Variants in ANAPC10 observed in about 807,000 individuals in gnomAD.
ANAPC10 encodes anaphase-promoting complex subunit 10.
Under a neutral mutation model 22.0 loss-of-function variants are expected in ANAPC10, and 12 were observed. That is an observed-to-expected ratio of 0.55 (90% CI 0.35 to 0.88). ANAPC10 has a LOEUF of 0.88. Ranked by LOEUF, ANAPC10 falls within the 40% of genes least tolerant of loss-of-function variation. The pLI is 0.01. For synonymous variants in ANAPC10, 65 were observed against 69.5 expected (o/e 0.94, Z 0.32); for missense variants, 188 against 220.9 (o/e 0.85, Z 0.94).
intron 4 of ANAPC10, chr4:145,053,845 A>G: frequency 1.8e-6 from 1 of 552,544 alleles, no homozygotes; most frequent in Non-Finnish European, 3.2e-6. Flanking sequence ...AAATTATGAT[A>G]AAATGCTTCA....
intron 4 of ANAPC10, 56 bp from the exon 5 acceptor site, chr4:144,995,659 C>A: frequency 9.0e-7 from 1 of 1,112,972 alleles, no homozygotes; most frequent in Non-Finnish European, 1.3e-6. Flanking sequence ...TAATTTATAA[C>A]AATGAATGCA....
At chr4:145,011,277 C>A (rs923718519) in intron 4 of ANAPC10, among the ~76,000 whole-genome samples, 6 of 150,930 alleles carry the variant, frequency 4.0e-5, no homozygotes, top group Non-Finnish European at 1.5e-5. Context: ...GCGGAGGTTG[C>A]AGTAAGCCAA....
chr4:145,075,559 G>A (rs1745071008), intron 3 of ANAPC10, among the ~76,000 whole-genome samples: 1 of 151,878 alleles, frequency 6.6e-6, no homozygotes. Flanking sequence ...GACAGAGGGA[G>A]GACCAAGCAG....
At chr4:145,037,160 T>A (rs748132806) in intron 4 of ANAPC10, among the ~76,000 whole-genome samples, 7 of 152,002 alleles carry the variant, frequency 4.6e-5, no homozygotes, top group Non-Finnish European at 1.0e-4. Context: ...GAGGTTTAGT[T>A]TTTTCCAAGT....
intron 4 of ANAPC10, among the ~76,000 whole-genome samples, chr4:145,053,178 G>T (rs1051273387): frequency 2.6e-5 from 4 of 152,030 alleles, no homozygotes; most frequent in African/African-American, 9.7e-5. Flanking sequence ...ACCAGAACAA[G>T]AATTTAATCT....
chr4:145,044,475 C>G (rs928096348), intron 4 of ANAPC10, among the ~76,000 whole-genome samples: 1 of 152,056 alleles, frequency 6.6e-6, no homozygotes. Flanking sequence ...TCCTTCCCCC[C>G]AACTCCCACC....
At chr4:145,024,334 T>C (rs970671657) in intron 4 of ANAPC10, among the ~76,000 whole-genome samples, 1 of 152,206 alleles carries the variant, frequency 6.6e-6, no homozygotes, top group Non-Finnish European at 1.5e-5. Context: ...TAATGACATC[T>C]GGGATGAATC....
At chr4:145,078,221 A>C (rs983230445) in intron 3 of ANAPC10, among the ~76,000 whole-genome samples, 1 of 152,296 alleles carries the variant, frequency 6.6e-6, no homozygotes, top group East Asian at 1.9e-4. Flanking sequence ...ATTTCTATAT[A>C]CCAATAACAT....
At chr4:145,058,657 A>G (rs1205495885) in intron 4 of ANAPC10, among the ~76,000 whole-genome samples, 1 of 152,182 alleles carries the variant, frequency 6.6e-6, no homozygotes, top group East Asian at 1.9e-4. Flanking sequence ...AATCTACAGT[A>G]TAAGTTTGTG....
chr4:145,042,938 T>G (rs914474898), intron 4 of ANAPC10, among the ~76,000 whole-genome samples: 1 of 151,036 alleles, frequency 6.6e-6, no homozygotes, highest in African/African-American at 2.4e-5. Flanking sequence ...CAAAATAAAG[T>G]GTTTTTAATT....
chr4:145,015,940 G>A (rs923565189), intron 4 of ANAPC10, among the ~76,000 whole-genome samples: 3 of 152,046 alleles, frequency 2.0e-5, no homozygotes, highest in East Asian at 1.9e-4. Context: ...AAAGGAGCTC[G>A]AAACCTTAAA....
At chr4:145,040,923 T>C (rs1338010928) in intron 4 of ANAPC10, among the ~76,000 whole-genome samples, 1 of 152,196 alleles carries the variant, frequency 6.6e-6, no homozygotes, top group Non-Finnish European at 1.5e-5. Context: ...TTTTATATTA[T>C]TAGTTAATAT....
intron 4 of ANAPC10, 80 bp from the exon 5 acceptor site, chr4:144,995,683 T>C: frequency 2.2e-6 from 2 of 914,756 alleles, no homozygotes; most frequent in Non-Finnish European, 3.3e-6. Context: ...TATAATAAAA[T>C]AACTTATAAT....
At chr4:145,015,550 C>T (rs1415413333) in intron 4 of ANAPC10, among the ~76,000 whole-genome samples, 1 of 149,056 alleles carries the variant, frequency 6.7e-6, no homozygotes, top group African/African-American at 2.5e-5. Context: ...CCTGGCCTTG[C>T]TAGAGACCTA....
chr4:145,026,920 C>CATATATATATATAT (rs150548781), intron 4 of ANAPC10, among the ~76,000 whole-genome samples: 3 of 17,012 alleles, frequency 1.8e-4, no homozygotes, highest in East Asian at 2.8e-3. Flanking sequence ...CCTATACATA[C>CATATATATATATAT]ATATATATAT....
intron 4 of ANAPC10, among the ~76,000 whole-genome samples, chr4:145,023,219 A>G (rs1347906697): frequency 1.3e-5 from 2 of 150,996 alleles, no homozygotes; most frequent in African/African-American, 4.9e-5. Flanking sequence ...ATGCAAAGTG[A>G]AAAAAAACCA....
rs1747709777 is a variant in ANAPC10 at position 145,091,710 on chromosome 4, C to T, written c.115+4275G>A. On this transcript the variant is annotated intron_variant, in intron 2 of 4. Coordinates refer to ENST00000507656, the MANE Select transcript of ANAPC10 (RefSeq NM_001256706.2). ...TAATTTATATTCTTTTGGGTATATA[C>T]CCAGTGATGGGATTGCTGAGTCAAA... Among the ~76,000 whole-genome samples the T allele has an allele frequency of 3.3e-5, 5 of 152,034 alleles. 1 individual carries two copies. The South Asian group carries it at 1.0e-3, about 32-fold the overall frequency.
intron 3 of ANAPC10, among the ~76,000 whole-genome samples, chr4:145,069,290 G>C (rs1023244638): frequency 1.3e-5 from 2 of 150,398 alleles, no homozygotes; most frequent in Admixed American, 6.7e-5. Context: ...AATGTGAAGA[G>C]GGAGATGCCA....
chr4:145,045,669 G>C (rs374669789), intron 4 of ANAPC10, among the ~76,000 whole-genome samples: 3 of 151,726 alleles, frequency 2.0e-5, no homozygotes, highest in Non-Finnish European at 2.9e-5. Flanking sequence ...GAATGTATAC[G>C]TGATCTTCTA....
Sources: gnomAD v4.1 joint callset for allele counts (sites outside exome capture counted in the v4.1 genomes callset) on GRCh38, gnomAD v4.1.1 for gene constraint, MANE v1.5 for transcripts, NCBI Gene and HGNC (gene_info 2026-07-23, HGNC 2026-07-21) for gene names.